DLGAP2: variants seen among roughly 807,000 people sequenced by gnomAD.
DLGAP2 encodes the protein disks large-associated protein 2.
In DLGAP2, 26 loss-of-function variants were observed where a neutral mutation model predicts 100.3. That is an observed-to-expected ratio of 0.26 (90% CI 0.19 to 0.36). DLGAP2 has a LOEUF of 0.36. Ranked by LOEUF, DLGAP2 falls within the 10% of genes least tolerant of loss-of-function variation. The pLI, the probability that DLGAP2 is intolerant of heterozygous loss-of-function variation, is 1.00. For synonymous variants in DLGAP2, 886 were observed against 630.1 expected (o/e 1.41, Z -6.08); for missense variants, 1,858 against 1,453.2 (o/e 1.28, Z -4.53).
At chr8:1,434,585 T>A (rs1005801958) in intron 3 of DLGAP2, among the ~76,000 whole-genome samples, 1 of 152,018 alleles carries the variant, frequency 6.6e-6, no homozygotes. Context: ...CAAGCAATCC[T>A]CCCACTTCAA....
At chr8:1,060,291 C>T (rs58843469) in intron 2 of DLGAP2, among the ~76,000 whole-genome samples, 17 of 141,018 alleles carry the variant, frequency 1.2e-4, no homozygotes, top group African/African-American at 5.0e-4. Context: ...GTGGATAGAT[C>T]CCCTCCCAAG....
intron 3 of DLGAP2, among the ~76,000 whole-genome samples, chr8:1,360,980 C>T (rs932852453): frequency 2.0e-5 from 3 of 152,164 alleles, no homozygotes; most frequent in African/African-American, 4.8e-5. Context: ...TGGGTGATTA[C>T]AGAAAAAGTT....
chr8:1,368,189 CGT>C (rs1030192174), intron 3 of DLGAP2, among the ~76,000 whole-genome samples: 17 of 151,568 alleles, frequency 1.1e-4, no homozygotes, highest in African/African-American at 3.9e-4. Flanking sequence ...TGTATGTGCA[CGT>C]GTGTGTACGT....
chr8:1,567,571 C>A (rs543209657), intron 6 of DLGAP2, among the ~76,000 whole-genome samples: 1 of 152,174 alleles, frequency 6.6e-6, no homozygotes, highest in Non-Finnish European at 1.5e-5. Context: ...TCCACTCATT[C>A]ACCATCACTG....
chr8:1,018,341 T>C (rs1431907527), intron 2 of DLGAP2, among the ~76,000 whole-genome samples: 1 of 152,230 alleles, frequency 6.6e-6, no homozygotes, highest in African/African-American at 2.4e-5. Context: ...TCAATTGATT[T>C]GACCACAGCA....
At chr8:897,911 G>A (rs1393128891) in intron 1 of DLGAP2, among the ~76,000 whole-genome samples, 4 of 152,112 alleles carry the variant, frequency 2.6e-5, no homozygotes, top group Non-Finnish European at 4.4e-5. Context: ...AGCCCTGCAC[G>A]TGCAGCGAGT....
chr8:1,409,862 C>G (rs546361769), intron 3 of DLGAP2, among the ~76,000 whole-genome samples: 1 of 152,196 alleles, frequency 6.6e-6, no homozygotes, highest in African/African-American at 2.4e-5. Context: ...CCCTCAGTGC[C>G]GGGGCCTTCG....
chr8:891,606 C>G (rs140029433), intron 1 of DLGAP2: 1 of 152,402 alleles, frequency 6.6e-6, no homozygotes, highest in South Asian at 2.1e-4. Context: ...CGAGAGCCTC[C>G]GGGATTCAGA....
intron 2 of DLGAP2, among the ~76,000 whole-genome samples, chr8:1,155,249 C>T (rs1243507508): frequency 1.3e-5 from 2 of 152,140 alleles, no homozygotes; most frequent in Admixed American, 6.5e-5. Flanking sequence ...AATGACTTGT[C>T]GCTTCTTCTT....
At chr8:1,082,460 T>C (rs1035850559) in intron 2 of DLGAP2, among the ~76,000 whole-genome samples, 3 of 152,148 alleles carry the variant, frequency 2.0e-5, no homozygotes, top group Admixed American at 6.5e-5. Context: ...TCTGTCCACA[T>C]TGGGGGTGCC....
intron 3 of DLGAP2, among the ~76,000 whole-genome samples, chr8:1,414,089 A>C (rs1488821127): frequency 2.0e-5 from 3 of 152,200 alleles, no homozygotes; most frequent in Non-Finnish European, 4.4e-5. Context: ...GGGGAAAGGC[A>C]TTCTTTCAAG....
chr8:1,427,798 C>T (rs1325460731), intron 3 of DLGAP2, among the ~76,000 whole-genome samples: 2 of 152,280 alleles, frequency 1.3e-5, no homozygotes, highest in East Asian at 3.9e-4. Flanking sequence ...ACCGTAAGTC[C>T]AATAAGTCTC....
chr8:1,311,212 G>C (rs749732836), intron 3 of DLGAP2, among the ~76,000 whole-genome samples: 1 of 152,090 alleles, frequency 6.6e-6, no homozygotes, highest in Non-Finnish European at 1.5e-5. Context: ...CAATGAAAAT[G>C]ACCTAAACTG....
chr8:839,819 A>G (rs934627678), intron 1 of DLGAP2, among the ~76,000 whole-genome samples: 3 of 152,126 alleles, frequency 2.0e-5, no homozygotes, highest in Non-Finnish European at 4.4e-5. Context: ...ATCTGTCTCC[A>G]CTGAGATGCC....
chr8:1,665,021 C>T (rs1209019271), intron 8 of DLGAP2, among the ~76,000 whole-genome samples: 1 of 152,134 alleles, frequency 6.6e-6, no homozygotes, highest in Non-Finnish European at 1.5e-5. Context: ...GTGTGGCATG[C>T]AACTACATTT....
At chr8:1,527,643 A>G (rs1563202566) in intron 4 of DLGAP2, among the ~76,000 whole-genome samples, 1 of 152,206 alleles carries the variant, frequency 6.6e-6, no homozygotes, top group Admixed American at 6.5e-5. Flanking sequence ...TTTATAACCT[A>G]TCTATGTGGG....
At position 1,495,565 on chromosome 8, in the gene DLGAP2, C is replaced by A. The variant is rs141010711; in HGVS notation, c.107-5801C>A. The stretch of plus-strand genomic sequence containing the variant: ...CGGCGAGGTCGGTGTGCTGAGACCA[C>A]AGTGTGCTCGGGTCACAGTGGTGAT... On this transcript the variant is annotated intron_variant, in intron 3 of 14. Coordinates refer to ENST00000637795, the MANE Select transcript of DLGAP2 (RefSeq NM_001346810.2). 4.5e-3 allele frequency among the ~76,000 whole-genome samples: 686 copies of A among 152,334 alleles called. 2 individuals are homozygous for A. Among genetic ancestry groups the A allele is most frequent in the Middle Eastern group, 0.02 (6 of 294 alleles).
intron 2 of DLGAP2, among the ~76,000 whole-genome samples, chr8:997,470 C>G (rs749400036): frequency 1.3e-4 from 20 of 152,262 alleles, no homozygotes; most frequent in Middle Eastern, 3.4e-3. Context: ...GATCACAAAG[C>G]CTTCTACTCC....
chr8:1,407,770 T>A (rs1796610685), intron 3 of DLGAP2, among the ~76,000 whole-genome samples: 1 of 148,798 alleles, frequency 6.7e-6, no homozygotes, highest in African/African-American at 2.5e-5. Flanking sequence ...TATTGAGTGC[T>A]TACTGAGCGC....
Sources: gnomAD v4.1 joint callset for allele counts (sites outside exome capture counted in the v4.1 genomes callset) on GRCh38, gnomAD v4.1.1 for gene constraint, MANE v1.5 for transcripts, NCBI Gene and HGNC (gene_info 2026-07-23, HGNC 2026-07-21) for gene names.